Variants in L3MBTL4 observed in about 807,000 individuals in gnomAD.
L3MBTL4 encodes the protein lethal(3)malignant brain tumor-like protein 4.
A neutral mutation model predicts 84.5 loss-of-function variants in L3MBTL4; 70 were observed. That is an observed-to-expected ratio of 0.83 (90% confidence interval 0.68 to 1.01). L3MBTL4 has a LOEUF of 1.01. Among genes scored for constraint, L3MBTL4 ranks in the 50% least tolerant of loss-of-function variants. The pLI, the probability that L3MBTL4 is intolerant of heterozygous loss-of-function variation, is 0.00. For synonymous variants in L3MBTL4, 274 were observed against 259.8 expected (o/e 1.05, Z -0.52); for missense variants, 715 against 754.8 (o/e 0.95, Z 0.62).
chr18:6,037,109 G>A (rs759370707), intron 16 of L3MBTL4, among the ~76,000 whole-genome samples: 17 of 152,178 alleles, frequency 1.1e-4, no homozygotes, highest in African/African-American at 9.7e-5. Context: ...TTCTGTGATC[G>A]GAAGCAGCAA....
At chr18:6,373,455 A>G (rs1224858816) in intron 1 of L3MBTL4, among the ~76,000 whole-genome samples, 2 of 152,152 alleles carry the variant, frequency 1.3e-5, no homozygotes, top group Admixed American at 1.3e-4. Flanking sequence ...TCTCTAGCTG[A>G]TCTGCTGTAG....
At chr18:5,960,285 C>T in intron 17 of L3MBTL4, 129 bp from the exon 18 acceptor site, 1 of 396,680 alleles carries the variant, frequency 2.5e-6, no homozygotes, top group Non-Finnish European at 4.6e-6. Context: ...TAGTAACTAT[C>T]AAGTTGCATT....
At chr18:6,029,328 T>C in intron 16 of L3MBTL4, 1 of 448,180 alleles carries the variant, frequency 2.2e-6, no homozygotes, top group South Asian at 9.5e-5. Flanking sequence ...GTAATTAAGA[T>C]ATTTCAGTTC....
chr18:6,151,976 T>C (rs1325392206), intron 13 of L3MBTL4, among the ~76,000 whole-genome samples: 2 of 152,204 alleles, frequency 1.3e-5, no homozygotes, highest in Non-Finnish European at 2.9e-5. Context: ...GGTAGGATCA[T>C]ACAGTATTTG....
intron 5 of L3MBTL4, 132 bp from the exon 6 acceptor site, chr18:6,244,720 C>G: frequency 1.5e-6 from 1 of 652,516 alleles, no homozygotes; most frequent in South Asian, 2.0e-5. Flanking sequence ...ATGGTGTCTA[C>G]CAGAGGCTGG....
At chr18:6,022,334 C>A (rs2055310148) in intron 16 of L3MBTL4, among the ~76,000 whole-genome samples, 1 of 152,152 alleles carries the variant, frequency 6.6e-6, no homozygotes, top group African/African-American at 2.4e-5. Context: ...TCTGCTCAAA[C>A]CTTCACCTCC....
At chr18:6,034,866 T>A (rs2056041979) in intron 16 of L3MBTL4, among the ~76,000 whole-genome samples, 1 of 138,092 alleles carries the variant, frequency 7.2e-6, no homozygotes, top group South Asian at 2.4e-4. Context: ...GGTATCTCAT[T>A]GTGGTTTTGA....
intron 4 of L3MBTL4, among the ~76,000 whole-genome samples, chr18:6,294,920 C>T (rs184289973): frequency 2.5e-4 from 38 of 152,158 alleles, no homozygotes; most frequent in African/African-American, 8.4e-4. Context: ...GATTTTAATA[C>T]GGTGTTTGCT....
intron 5 of L3MBTL4, chr18:6,258,831 G>A (rs774229848): frequency 6.6e-6 from 1 of 152,514 alleles, no homozygotes; most frequent in Non-Finnish European, 1.5e-5. Flanking sequence ...GGGTGGAGGA[G>A]GGGAGAGAGC....
At chr18:6,378,012 C>G (rs1159829670) in intron 1 of L3MBTL4, among the ~76,000 whole-genome samples, 1 of 152,206 alleles carries the variant, frequency 6.6e-6, no homozygotes, top group Non-Finnish European at 1.5e-5. Context: ...GATCGCCATT[C>G]TAACTGGTGT....
At chr18:6,108,121 A>G (rs2059072223) in intron 14 of L3MBTL4, among the ~76,000 whole-genome samples, 1 of 152,142 alleles carries the variant, frequency 6.6e-6, no homozygotes, top group South Asian at 2.1e-4. Flanking sequence ...TACACTAACT[A>G]AAACAGGAGT....
At chr18:6,137,692 T>C (rs2060065854) in intron 14 of L3MBTL4, among the ~76,000 whole-genome samples, 1 of 152,216 alleles carries the variant, frequency 6.6e-6, no homozygotes, top group South Asian at 2.1e-4. Context: ...TTATTTTTCT[T>C]CAAAAGCAAC....
chr18:6,285,490 G>A (rs1175232947), intron 4 of L3MBTL4, among the ~76,000 whole-genome samples: 1 of 151,976 alleles, frequency 6.6e-6, no homozygotes, highest in African/African-American at 2.4e-5. Flanking sequence ...TAAAGTGTGT[G>A]TGTGTGTGTG....
At chr18:6,077,238 C>T (rs1175021136) in intron 16 of L3MBTL4, among the ~76,000 whole-genome samples, 2 of 152,142 alleles carry the variant, frequency 1.3e-5, no homozygotes, top group African/African-American at 4.8e-5. Context: ...AATAAGCTTA[C>T]CTGTAAACCT....
Position 5,956,221 on chromosome 18 carries a change from C to T in L3MBTL4, c.1844G>A (p.Ter615=), listed in dbSNP as rs780036925. The T allele has an allele frequency of 3.1e-6, 5 of 1,611,406 alleles. No individual in the cohort carries two copies. The highest frequency in any genetic ancestry group is 4.2e-6 in the Non-Finnish European group (5 of 1,178,704). ...CCAGAGGAAGTTCAGGGAGCCCATT[C>T]ATCCCCTGACTTCTTGGCCTGAGGC... ...DIASGQEVRG[*] The change falls in exon 19 of 19, where the codon TGA becomes TAA. Residue 615 remains the stop codon, a stop_retained_variant. Transcript: ENST00000317931.
chr18:6,393,074 A>T (rs1271952557), intron 1 of L3MBTL4, among the ~76,000 whole-genome samples: 1 of 109,568 alleles, frequency 9.1e-6, no homozygotes, highest in Non-Finnish European at 2.0e-5. Flanking sequence ...AAAGTGATTG[A>T]AATAAAAAAA....
chr18:6,069,444 T>TTC (rs1568062367), intron 16 of L3MBTL4, among the ~76,000 whole-genome samples: 2 of 152,056 alleles, frequency 1.3e-5, no homozygotes, highest in African/African-American at 4.8e-5. Context: ...TTTTTTTTTT[T>TTC]CCTCAGGTGA....
intron 16 of L3MBTL4, among the ~76,000 whole-genome samples, chr18:6,071,697 GAAAGA>G (rs1568065952): frequency 1.2e-5 from 1 of 83,820 alleles, no homozygotes; most frequent in African/African-American, 7.6e-5. Context: ...AAGAAAGAAA[GAAAGA>G]AAGAAAGAAA....
At chr18:6,314,268 C>A (rs925702892) in intron 1 of L3MBTL4, among the ~76,000 whole-genome samples, 2 of 152,132 alleles carry the variant, frequency 1.3e-5, no homozygotes, top group Non-Finnish European at 2.9e-5. Flanking sequence ...ATGGCCTACT[C>A]CCAGGAAGCC....
Sources: allele counts gnomAD v4.1 joint callset (sites outside exome capture counted in the v4.1 genomes callset), GRCh38; gene constraint gnomAD v4.1.1; transcripts MANE v1.5; gene names NCBI Gene and HGNC (gene_info 2026-07-23, HGNC 2026-07-21).